The following ONECUT3 variants were observed in gnomAD, a reference collection of about 807,000 sequenced individuals.
ONECUT3 encodes one cut domain family member 3.
A neutral mutation model predicts 16.8 loss-of-function variants in ONECUT3; 11 were observed. The observed-to-expected ratio is 0.66, with a 90% CI of 0.41 to 1.09. The LOEUF is 1.09. Ranked by LOEUF, ONECUT3 falls within the 50% of genes least tolerant of loss-of-function variation. The pLI is 0.00. For synonymous variants in ONECUT3, 344 were observed against 310.7 expected (o/e 1.11, Z -1.13); for missense variants, 637 against 629.9 (o/e 1.01, Z -0.12).
In ONECUT3 at chr19:1,758,300, C is replaced by CAA. The variant is rs55658128; in HGVS notation, c.1192+3461_1192+3462dup. On this transcript the variant is annotated intron_variant, in intron 1 of 1. Coordinates refer to ENST00000382349, the MANE Select transcript of ONECUT3 (RefSeq NM_001080488.2). The surrounding 1 kb of genome is among the most constrained non-coding windows in gnomAD (Gnocchi z 5.9). Reference sequence around the variant, plus strand: ...GAGACGAAAAGAGAGGCAGAGAGACCAAAAAAAAAAAAAAAAGAGAGAGAG... The same window carrying CAA: ...GAGACGAAAAGAGAGGCAGAGAGACCAAAAAAAAAAAAAAAAAAGAGAGAGAG... 2.3e-4 allele frequency among the ~76,000 whole-genome samples: 28 copies of CAA among 121,356 alleles called. No individual in the cohort carries two copies. Among genetic ancestry groups the CAA allele is most frequent in the African/African-American group, 8.8e-4 (27 of 30,672 alleles). The allele number at this position is 121,356 out of a possible 152,430, so 79.6% of individuals were successfully genotyped here.
Position 1,754,212 on chromosome 19 carries a change from C to A in ONECUT3, c.550C>A (p.Leu184Ile). 2.6e-6 allele frequency: 3 copies of A among 1,146,270 alleles called. No individual in the cohort carries two copies. The highest frequency in any genetic ancestry group is 3.2e-6 in the Non-Finnish European group (3 of 926,562). 71.0% of individuals were successfully genotyped at this position (1,146,270 alleles called of 1,614,324 possible). A position where few individuals can be genotyped will look rare whatever the true frequency, so the allele number is the denominator to read the frequency against. The change falls in exon 1 of 2, where the codon CTC (leucine) becomes ATC (isoleucine). Residue 184 changes from leucine (L) to isoleucine (I), a missense_variant. Coordinates refer to ENST00000382349, the MANE Select transcript of ONECUT3 (RefSeq NM_001080488.2). This position sits in a 1 kb window ranked among gnomAD's most constrained non-coding sequence, Gnocchi z 7.4. ...GGCGGCGCTCGCCTCCGTGGGCCAC[C>A]TCTACGGACCCTACGGCAAGGAGCT... ...ERAALASVGHLYGPYGKELPA... is the reference protein window; with the variant it reads ...ERAALASVGHIYGPYGKELPA...
In ONECUT3 at chr19:1,775,198, A is replaced by C; in HGVS notation, c.1238A>C (p.Gln413Pro). ...EQEQQKERAL[Q>P]PKKQRLVFTD... is the part of the protein sequence containing the mutation. ...GAGCAGCAGAAGGAGCGCGCCCTGC[A>C]GCCCAAGAAGCAGCGCCTGGTGTTC... The change falls in exon 2 of 2, where the codon CAG becomes CCG. Residue 413 changes from glutamine to proline, a missense_variant. This residue lies in a region of ONECUT3 where 183 missense variants were observed against 188.3 expected (regional missense o/e 0.97). Coordinates refer to ENST00000382349, the MANE Select transcript of ONECUT3 (RefSeq NM_001080488.2). 1 of 1,431,232 alleles carries C rather than the reference A, an allele frequency of 7.0e-7. No individual in the cohort carries two copies. Among genetic ancestry groups the C allele is most frequent in the Non-Finnish European group, 9.3e-7 (1 of 1,071,568 alleles). The allele number at this position is 1,431,232 out of a possible 1,614,324, so 88.7% of individuals were successfully genotyped here.
At chr19:1,760,718 G>A (rs1294812696) in intron 1 of ONECUT3, among the ~76,000 whole-genome samples, 1 of 151,846 alleles carries the variant, frequency 6.6e-6, no homozygotes, top group South Asian at 2.1e-4. Context: ...GACCATCCCC[G>A]CTTTTGCTTT....
At chr19:1,760,323 T>A (rs1194293188) in intron 1 of ONECUT3, among the ~76,000 whole-genome samples, 1 of 151,614 alleles carries the variant, frequency 6.6e-6, no homozygotes, top group Non-Finnish European at 1.5e-5. Flanking sequence ...CCAGGCTCCC[T>A]GACCTCCAGC....
chr19:1,753,846 G>A lies in ONECUT3; in HGVS notation c.184G>A (p.Gly62Ser), dbSNP rs1316528465. 3.1e-6 allele frequency: 3 copies of A among 971,996 alleles called. No individual in the cohort carries two copies. The highest frequency in any genetic ancestry group is 6.4e-5 in the Admixed American group (1 of 15,654). The allele number at this position is 971,996 out of a possible 1,614,324, so 60.2% of individuals were successfully genotyped here. Residue 62 changes from glycine (G) to serine (S), a missense_variant, in exon 1 of 2, where the codon GGT becomes AGT. Physicochemically the swap from Gly to Ser is moderately conservative, Grantham distance 56. Transcript: ENST00000382349. Reference protein sequence around the residue: ...SLLDGGGGGGGGGAGGAGGAG... With the variant: ...SLLDGGGGGGSGGAGGAGGAG... ...GCTGGACGGCGGCGGCGGCGGCGGC[G>A]GTGGGGGCGCCGGGGGCGCGGGCGG...
At chr19:1,775,129 C>A in intron 1 of ONECUT3, 24 bp from the exon 2 acceptor site, 2 of 1,211,710 alleles carry the variant, frequency 1.7e-6, no homozygotes, top group Non-Finnish European at 2.3e-6. Context: ...CCCGCTCGCC[C>A]GCCCGCCCGC....
chr19:1,774,681 G>A (rs572027215), intron 1 of ONECUT3, among the ~76,000 whole-genome samples: 44 of 151,466 alleles, frequency 2.9e-4, no homozygotes, highest in Admixed American at 9.9e-4. Flanking sequence ...AGGGTAGGAC[G>A]GGGTTTGGGG....
intron 1 of ONECUT3, among the ~76,000 whole-genome samples, chr19:1,763,096 G>A (rs1311891101): frequency 6.6e-6 from 1 of 151,926 alleles, no homozygotes; most frequent in South Asian, 2.1e-4. Flanking sequence ...GGGTGCGGTG[G>A]CTCACGCCTG....
In ONECUT3 at chr19:1,776,332, A is replaced by C. The variant is rs1472970588; in HGVS notation, c.*887A>C. 6.6e-6 allele frequency: 1 copy of C among 152,322 alleles called. No homozygotes were observed. The highest frequency in any genetic ancestry group is 1.9e-4 in the East Asian group (1 of 5,180). The allele number at this position is 152,322 out of a possible 1,614,324, so 9.4% of individuals were successfully genotyped here. ...CACGGGAGACCACGCCCAGGCTCCC[A>C]GGAGAAGGGGACCCGGCCGGAGAAG... On this transcript the variant is annotated 3_prime_UTR_variant, in exon 2 of 2. Coordinates refer to ENST00000382349, the MANE Select transcript of ONECUT3 (RefSeq NM_001080488.2). The surrounding 1 kb of genome is among the most constrained non-coding windows in gnomAD (Gnocchi z 4.9).
rs1289750682 is a variant in ONECUT3, at chr19:1,777,805, C to T, written c.*2360C>T. 2 of 151,990 alleles carry T rather than the reference C, an allele frequency of 1.3e-5. No homozygotes were observed. The highest frequency in any genetic ancestry group is 4.8e-5 in the African/African-American group (2 of 41,376). 9.4% of individuals were successfully genotyped at this position (151,990 alleles called of 1,614,324 possible). A position where few individuals can be genotyped will look rare whatever the true frequency, so the allele number is the denominator to read the frequency against. On this transcript the variant is annotated 3_prime_UTR_variant, in exon 2 of 2. Transcript: ENST00000382349. Reference sequence around the variant, plus strand: ...GTCAGCAGTTCAAGACCAGCCTGACCAACATGGTGAAACCCTGTCTCTACT... The same window carrying T: ...GTCAGCAGTTCAAGACCAGCCTGACTAACATGGTGAAACCCTGTCTCTACT...
intron 1 of ONECUT3, among the ~76,000 whole-genome samples, chr19:1,770,332 G>A (rs1177013849): frequency 6.6e-6 from 1 of 152,142 alleles, no homozygotes; most frequent in Non-Finnish European, 1.5e-5. Context: ...ACCTACTTGG[G>A]AGGCTGAGGT....
rs1351992155 is a variant in ONECUT3, at chr19:1,779,339, AG to A, written c.*3896del. On this transcript the variant is annotated 3_prime_UTR_variant, in exon 2 of 2. Transcript: ENST00000382349. ...GATCGCGAGAGAGACTGCGGCAGAAAGGACCAGTGGCGTTTACAGATTTCTT... is the reference window on the plus strand; with the variant it reads ...GATCGCGAGAGAGACTGCGGCAGAAAGACCAGTGGCGTTTACAGATTTCTT... 6.6e-6 allele frequency: 1 copy of A among 152,156 alleles called. No homozygotes were observed. The highest frequency in any genetic ancestry group is 1.5e-5 in the Non-Finnish European group (1 of 68,024). The allele number at this position is 152,156 out of a possible 1,614,324, so 9.4% of individuals were successfully genotyped here. A position where few individuals can be genotyped will look rare whatever the true frequency, so the allele number is the denominator to read the frequency against.
In ONECUT3 at chr19:1,766,811, C is replaced by CG. The variant is rs966582922; in HGVS notation, c.1193-8342_1193-8341insG. The stretch of plus-strand genomic sequence containing the variant: ...GGGTCTTGCAGGCTGGGCTGAGACC[C>CG]CCCCCCCATGCTCCACCACCCTCGT... On this transcript the variant is annotated intron_variant, in intron 1 of 1. Coordinates refer to ENST00000382349, the MANE Select transcript of ONECUT3 (RefSeq NM_001080488.2). The surrounding 1 kb of genome is among the most constrained non-coding windows in gnomAD (Gnocchi z 4.0). Among the ~76,000 whole-genome samples the CG allele has an allele frequency of 2.7e-5, 4 of 147,002 alleles. No individual in the cohort carries two copies. Among genetic ancestry groups the CG allele is most frequent in the African/African-American group, 8.2e-5 (3 of 36,526 alleles).
rs1244138968 is a variant in ONECUT3 at position 1,758,686 on chromosome 19, A to C, written c.1192+3832A>C. Among the ~76,000 whole-genome samples, 2 of 151,126 alleles carry C rather than the reference A, an allele frequency of 1.3e-5. No individual in the cohort carries two copies. ...CCTACCCCCACCCCATGGTCCTCCG[A>C]GTCCCGCACTTCGGAGCTGCCTCCT... On this transcript the variant is annotated intron_variant, in intron 1 of 1. Transcript: ENST00000382349. The surrounding 1 kb of genome is among the most constrained non-coding windows in gnomAD (Gnocchi z 5.9).
At position 1,754,066 on chromosome 19, in the gene ONECUT3, G is replaced by A; in HGVS notation, c.404G>A (p.Gly135Glu). The A allele has an allele frequency of 8.0e-6, 8 of 996,692 alleles. No homozygotes were observed. The highest frequency in any genetic ancestry group is 9.5e-6 in the Non-Finnish European group (8 of 839,130). The allele number at this position is 996,692 out of a possible 1,614,324, so 61.7% of individuals were successfully genotyped here. Reference sequence around the variant, plus strand: ...CACGCGGCGGCCGCGGCCGTGGCCGGGGCGCACGGCGGCCATCCCCACGCG... The same window carrying A: ...CACGCGGCGGCCGCGGCCGTGGCCGAGGCGCACGGCGGCCATCCCCACGCG... ...HQHAAAAAVA[G>E]AHGGHPHAHP... Residue 135 changes from glycine (G) to glutamate (E), a missense_variant, in exon 1 of 2, where the codon GGG becomes GAG. Gly to Glu is a moderately conservative substitution (Grantham distance 98). Coordinates refer to ENST00000382349, the MANE Select transcript of ONECUT3 (RefSeq NM_001080488.2). This position sits in a 1 kb window ranked among gnomAD's most constrained non-coding sequence, Gnocchi z 7.4.
intron 1 of ONECUT3, 29 bp from the exon 2 acceptor site, chr19:1,775,124 T>TCCCC: frequency 7.4e-6 from 8 of 1,082,166 alleles, no homozygotes; most frequent in South Asian, 5.0e-5. Context: ...TGTGTCCCGC[T>TCCCC]CGCCCGCCCG....
rs1754988765 is a variant in ONECUT3, at chr19:1,775,658, C to T, written c.*213C>T. ...CCCTTCCTCCCTCCATGCCCACTCC[C>T]TCCAGGCCAAAGGAAGCCCTCCACC... On this transcript the variant is annotated 3_prime_UTR_variant, in exon 2 of 2. Transcript: ENST00000382349. 8.8e-6 allele frequency: 4 copies of T among 452,332 alleles called. No homozygotes were observed. Among genetic ancestry groups the T allele is most frequent in the Non-Finnish European group, 1.5e-5 (4 of 259,036 alleles). 28.0% of individuals were successfully genotyped at this position (452,332 alleles called of 1,614,324 possible).
intron 1 of ONECUT3, among the ~76,000 whole-genome samples, chr19:1,769,739 C>T (rs1247093094): frequency 1.3e-5 from 2 of 152,006 alleles, no homozygotes; most frequent in East Asian, 3.9e-4. Flanking sequence ...CAAAGCTGCT[C>T]GCGGTAAACA....
intron 1 of ONECUT3, among the ~76,000 whole-genome samples, chr19:1,771,466 C>T (rs2068054335): frequency 6.6e-6 from 1 of 152,196 alleles, no homozygotes; most frequent in Admixed American, 6.5e-5. Flanking sequence ...GCAATTCTAG[C>T]TGAAAATAAC....
Sources: allele counts gnomAD v4.1 joint callset (sites outside exome capture counted in the v4.1 genomes callset), GRCh38; gene constraint gnomAD v4.1.1; regional missense constraint gnomAD v4.1.1; non-coding constraint Gnocchi (gnomAD v3.1); transcripts MANE v1.5; gene names NCBI Gene and HGNC (gene_info 2026-07-23, HGNC 2026-07-21).